Variants in MYOCD observed in about 807,000 individuals in gnomAD.
The protein encoded by MYOCD is myocardin.
Under a neutral mutation model 96.1 loss-of-function variants are expected in MYOCD, and 32 were observed. The ratio of observed to expected loss-of-function variants is 0.33; its 90% CI spans 0.25 to 0.45. The LOEUF is 0.45. Among genes scored for constraint, MYOCD ranks in the 20% least tolerant of loss-of-function variants. MYOCD has a pLI of 1.00. For synonymous variants in MYOCD, 469 were observed against 469.0 expected (o/e 1.00, Z 0.00); for missense variants, 1,133 against 1,200.6 (o/e 0.94, Z 0.83).
At chr17:12,746,561 A>C (rs2150713251) in intron 9 of MYOCD, among the ~76,000 whole-genome samples, 1 of 152,198 alleles carries the variant, frequency 6.6e-6, no homozygotes, top group East Asian at 1.9e-4. Context: ...CCAAAGAGAA[A>C]CATGATCCAG....
At chr17:12,674,410 T>G (rs1358100739) in intron 1 of MYOCD, among the ~76,000 whole-genome samples, 1 of 152,178 alleles carries the variant, frequency 6.6e-6, no homozygotes, top group African/African-American at 2.4e-5. Flanking sequence ...ACCTATAAAT[T>G]ACACATGCCA....
chr17:12,763,190 C>A lies in MYOCD; in HGVS notation c.2507C>A (p.Ala836Asp). Residue 836 changes from alanine (A) to aspartate (D), a missense_variant, in exon 14 of 14, where the codon GCC becomes GAC. Coordinates refer to ENST00000425538, the MANE Select transcript of MYOCD (RefSeq NM_001146312.3). The part of the protein sequence containing the change: ...LTKPSASFEQ[A>D]SSGSQIPFDP... ...AAGCCCTCGGCTTCCTTTGAACAAG[C>A]CTCTTCAGGCAGCCAGATCCCCTTT... The A allele has an allele frequency of 6.2e-7, 1 of 1,614,190 alleles. No individual in the cohort carries two copies. Among genetic ancestry groups the A allele is most frequent in the South Asian group, 1.1e-5 (1 of 91,086 alleles).
rs543089302 is a variant in MYOCD, at chr17:12,763,902, A to G, written c.*258A>G. ...CTTTCTCAGATTAAGGATGCCAAAAAAGATATTTCACTGCCTTTTCAAAGA... is the reference window on the plus strand; with the variant it reads ...CTTTCTCAGATTAAGGATGCCAAAAGAGATATTTCACTGCCTTTTCAAAGA... On this transcript the variant is annotated 3_prime_UTR_variant, in exon 14 of 14. Coordinates refer to ENST00000425538, the MANE Select transcript of MYOCD (RefSeq NM_001146312.3). 4 of 348,966 alleles carry G rather than the reference A, an allele frequency of 1.1e-5. No individual in the cohort carries two copies. Among genetic ancestry groups the G allele is most frequent in the Non-Finnish European group, 2.0e-5 (4 of 195,420 alleles). 21.6% of individuals were successfully genotyped at this position (348,966 alleles called of 1,614,324 possible).
At chr17:12,684,961 C>A (rs1410066019) in intron 1 of MYOCD, among the ~76,000 whole-genome samples, 1 of 151,758 alleles carries the variant, frequency 6.6e-6, no homozygotes, top group Non-Finnish European at 1.5e-5. Context: ...ATGAAGCCAG[C>A]CCTGGGTAGG....
chr17:12,718,637 G>A (rs921557668), intron 4 of MYOCD, among the ~76,000 whole-genome samples: 2 of 152,172 alleles, frequency 1.3e-5, no homozygotes, highest in Admixed American at 6.5e-5. Context: ...TGTTTTCAGG[G>A]TAGGGAAAAG....
chr17:12,700,184 C>T (rs2030995234), intron 1 of MYOCD, among the ~76,000 whole-genome samples: 1 of 151,932 alleles, frequency 6.6e-6, no homozygotes, highest in Non-Finnish European at 1.5e-5. Flanking sequence ...GCTGGGATTA[C>T]AGGCGTGAGC....
chr17:12,676,169 T>C (rs1910025072), intron 1 of MYOCD, among the ~76,000 whole-genome samples: 1 of 151,826 alleles, frequency 6.6e-6, no homozygotes, highest in African/African-American at 2.4e-5. Flanking sequence ...TAAATAAAAT[T>C]TGATTACATA....
chr17:12,696,729 T>C (rs1265282071), intron 1 of MYOCD, among the ~76,000 whole-genome samples: 1 of 152,182 alleles, frequency 6.6e-6, no homozygotes. Context: ...TTTCCTTTGG[T>C]TAGGTTTAGA....
intron 1 of MYOCD, among the ~76,000 whole-genome samples, chr17:12,676,552 T>G (rs1458043333): frequency 6.6e-6 from 1 of 152,090 alleles, no homozygotes; most frequent in Non-Finnish European, 1.5e-5. Context: ...ATTTGCCTTT[T>G]TTTTTAAGAT....
chr17:12,716,806 T>C (rs1016845128), intron 3 of MYOCD, among the ~76,000 whole-genome samples: 19 of 151,870 alleles, frequency 1.3e-4, no homozygotes, highest in Non-Finnish European at 4.4e-5. Context: ...GGTGAAACCC[T>C]GTCTCTACTA....
intron 2 of MYOCD, among the ~76,000 whole-genome samples, chr17:12,714,363 C>CACACACACACACACA (rs1311833186): frequency 1.1e-4 from 5 of 47,334 alleles, no homozygotes; most frequent in Non-Finnish European, 2.8e-4. Context: ...ACACACACAC[C>CACACACACACACACA]CCGATCTGGT....
At position 12,756,568 on chromosome 17, in the gene MYOCD, GA is replaced by G; in HGVS notation, c.2202+17del. The G allele has an allele frequency of 6.5e-7, 1 of 1,544,224 alleles. No individual in the cohort carries two copies. Among genetic ancestry groups the G allele is most frequent in the South Asian group, 1.2e-5 (1 of 83,140 alleles). On this transcript the variant is annotated intron_variant, in intron 11 of 13. Coordinates refer to ENST00000425538, the MANE Select transcript of MYOCD (RefSeq NM_001146312.3). The stretch of plus-strand genomic sequence containing the variant: ...TGTGTACAGCAAAAGGTAGGCACCT[GA>G]AAAAAGGCCTCAACCTGGGATTCAC...
chr17:12,731,901 G>C (rs1219003363), intron 5 of MYOCD, among the ~76,000 whole-genome samples: 1 of 152,142 alleles, frequency 6.6e-6, no homozygotes, highest in East Asian at 1.9e-4. Flanking sequence ...GCTGTGTCTG[G>C]GCTCCCTGCC....
intron 1 of MYOCD, among the ~76,000 whole-genome samples, chr17:12,682,217 G>A (rs1328532305): frequency 2.6e-5 from 4 of 152,194 alleles, no homozygotes; most frequent in South Asian, 2.1e-4. Context: ...GGTGGGGAAC[G>A]GTGGCTTTGT....
At chr17:12,756,821 G>A (rs1567602028) in intron 11 of MYOCD, among the ~76,000 whole-genome samples, 1 of 152,032 alleles carries the variant, frequency 6.6e-6, no homozygotes, top group Non-Finnish European at 1.5e-5. Flanking sequence ...GAAAGGGCTG[G>A]AATAGGTCCT....
rs897424564 is a variant in MYOCD at position 12,684,980 on chromosome 17, T to C, written c.55+18737T>C. 7.3e-5 allele frequency among the ~76,000 whole-genome samples: 11 copies of C among 151,482 alleles called. No individual in the cohort carries two copies. In the South Asian group the frequency reaches 1.0e-3, roughly 14 times the overall value. On this transcript the variant is annotated intron_variant, in intron 1 of 13. Transcript: ENST00000425538. Reference sequence around the variant, plus strand: ...AGCCAGCCCTGGGTAGGAAGTGCCATGTTTATTTGAGATTTAAGATTTTAT... The same window carrying C: ...AGCCAGCCCTGGGTAGGAAGTGCCACGTTTATTTGAGATTTAAGATTTTAT...
At chr17:12,701,584 G>T (rs1417245476) in intron 1 of MYOCD, among the ~76,000 whole-genome samples, 1 of 151,780 alleles carries the variant, frequency 6.6e-6, no homozygotes, top group Non-Finnish European at 1.5e-5. Context: ...TCCTTACTAT[G>T]AGCATACTTC....
At chr17:12,748,098 G>T (rs2032721314) in intron 9 of MYOCD, among the ~76,000 whole-genome samples, 1 of 149,420 alleles carries the variant, frequency 6.7e-6, no homozygotes. Flanking sequence ...GGAGGTGGAG[G>T]TTGCAGTGAG....
intron 13 of MYOCD, chr17:12,761,302 C>T (rs2033162646): frequency 6.7e-6 from 1 of 149,248 alleles, no homozygotes; most frequent in Non-Finnish European, 1.5e-5. Context: ...AAAATAAAAG[C>T]ACTCAGGGAG....
Sources: allele counts gnomAD v4.1 joint callset (sites outside exome capture counted in the v4.1 genomes callset), GRCh38; gene constraint gnomAD v4.1.1; transcripts MANE v1.5; gene names NCBI Gene and HGNC (gene_info 2026-07-23, HGNC 2026-07-21).